DNAJC25: variants seen among roughly 807,000 people sequenced by gnomAD.
DNAJC25 encodes the protein DnaJ heat shock protein family (Hsp40) member C25.
Under a neutral mutation model 42.1 loss-of-function variants are expected in DNAJC25, and 26 were observed. That is an observed-to-expected ratio of 0.62 (90% CI 0.45 to 0.86). The LOEUF (loss-of-function observed/expected upper bound fraction) is 0.86. DNAJC25 is among the 40% of genes least tolerant of loss of function. The probability of loss-of-function intolerance (pLI) is 0.00; values close to 1 mark genes in which losing one functional copy is unlikely to be tolerated. For synonymous variants in DNAJC25, 189 were observed against 179.9 expected (o/e 1.05, Z -0.40); for missense variants, 404 against 459.4 (o/e 0.88, Z 1.10).
chr9:111,635,914 G>A (rs1442422765), intron 1 of DNAJC25, among the ~76,000 whole-genome samples: 2 of 152,178 alleles, frequency 1.3e-5, no homozygotes, highest in Non-Finnish European at 2.9e-5. Flanking sequence ...TCCCTGCCCT[G>A]TTACGTTTCT....
rs3832628 is a variant in DNAJC25, at chr9:111,653,518, AT to A, written c.*299del. On this transcript the variant is annotated 3_prime_UTR_variant, in exon 4 of 4. Transcript: ENST00000313525. ...TTTAGTTAAAAGATTTGACATGAAAATTTATTAGATACCATTTAAAAATTTT... is the reference window on the plus strand; with the variant it reads ...TTTAGTTAAAAGATTTGACATGAAAATTATTAGATACCATTTAAAAATTTT... 20,761 of 199,042 alleles carry A rather than the reference AT, an allele frequency of 0.1. 1,589 individuals carry two copies. The highest frequency in any genetic ancestry group is 0.21 in the African/African-American group (8,990 of 43,276). The allele number at this position is 199,042 out of a possible 1,614,324, so 12.3% of individuals were successfully genotyped here. A position where few individuals can be genotyped will look rare whatever the true frequency, so the allele number is the denominator to read the frequency against.
At chr9:111,640,198 G>A (rs1271800292) in intron 1 of DNAJC25, among the ~76,000 whole-genome samples, 14 of 151,372 alleles carry the variant, frequency 9.2e-5, no homozygotes, top group African/African-American at 3.4e-4. Context: ...GAGGTGCCGG[G>A]ATTGCAGATG....
intron 1 of DNAJC25, among the ~76,000 whole-genome samples, chr9:111,639,928 C>CTCTCCGTCTCCGTCTCCG (rs71373755): frequency 4.1e-4 from 49 of 120,042 alleles, no homozygotes; most frequent in Non-Finnish European, 1.2e-4. Flanking sequence ...CTCCCTCTCC[C>CTCTCCGTCTCCGTCTCCG]TCTCCGTCTC....
rs1830576387 is a variant in DNAJC25, at chr9:111,647,035, G to C, written c.337-72G>C. On this transcript the variant is annotated intron_variant, in intron 1 of 3. Transcript: ENST00000313525. Reference sequence around the variant, plus strand: ...TACATAATTATAAAATTCTATATGTGATTTAACAGATTATAAACTAAGGCC... The same window carrying C: ...TACATAATTATAAAATTCTATATGTCATTTAACAGATTATAAACTAAGGCC... 4.9e-6 allele frequency: 7 copies of C among 1,441,338 alleles called. No individual in the cohort carries two copies. In the South Asian group the frequency reaches 9.8e-5, roughly 20 times the overall value. 89.3% of individuals were successfully genotyped at this position (1,441,338 alleles called of 1,614,324 possible).
At chr9:111,639,652 T>G (rs1488274884) in intron 1 of DNAJC25, among the ~76,000 whole-genome samples, 1 of 150,920 alleles carries the variant, frequency 6.6e-6, no homozygotes, top group Admixed American at 6.6e-5. Context: ...GACTAGAGGT[T>G]GTTTTTTTTT....
At chr9:111,633,467 G>C (rs564692260) in intron 1 of DNAJC25, among the ~76,000 whole-genome samples, 2 of 152,294 alleles carry the variant, frequency 1.3e-5, no homozygotes, top group South Asian at 4.1e-4. Flanking sequence ...ATAGTATTTA[G>C]TGTGTTTGAC....
At chr9:111,643,926 AT>A (rs1405069489) in intron 1 of DNAJC25, among the ~76,000 whole-genome samples, 2 of 152,126 alleles carry the variant, frequency 1.3e-5, no homozygotes, top group Non-Finnish European at 2.9e-5. Context: ...AAAGAGCAGA[AT>A]TTTGACTTAG....
Position 111,635,867 on chromosome 9 carries a change from G to C in DNAJC25, c.336+4124G>C, listed in dbSNP as rs545144490. ...ACCAGTCTGATGTGGCAGGGCTTTA[G>C]CACTTAGGAAGAATTTAGCAAAAAA... On this transcript the variant is annotated intron_variant, in intron 1 of 3. Coordinates refer to ENST00000313525, the MANE Select transcript of DNAJC25 (RefSeq NM_001015882.3). 2.0e-3 allele frequency among the ~76,000 whole-genome samples: 306 copies of C among 151,900 alleles called. 2 individuals are homozygous for C. Among genetic ancestry groups the C allele is most frequent in the South Asian group, 4.4e-3 (21 of 4,818 alleles).
At chr9:111,641,358 G>A (rs1456620232) in intron 1 of DNAJC25, among the ~76,000 whole-genome samples, 3,050 of 99,374 alleles carry the variant, frequency 0.031, no homozygotes, top group African/African-American at 0.049. Context: ...GAGGTGGGGG[G>A]GTCAGCCCCC....
At chr9:111,633,748 C>T (rs937637713) in intron 1 of DNAJC25, among the ~76,000 whole-genome samples, 6 of 152,098 alleles carry the variant, frequency 3.9e-5, no homozygotes, top group African/African-American at 1.2e-4. Context: ...GGAGGGCCAC[C>T]AGGAGAGACT....
intron 1 of DNAJC25, 89 bp downstream of exon 1, chr9:111,631,832 C>T (rs1015129615): frequency 7.0e-7 from 1 of 1,424,850 alleles, no homozygotes; most frequent in East Asian, 3.0e-5. Context: ...GCGTGGGCCT[C>T]TGTGACCCCG....
chr9:111,649,391 C>T (rs1417064517), intron 2 of DNAJC25, 62 bp from the exon 3 acceptor site: 2 of 1,465,774 alleles, frequency 1.4e-6, no homozygotes, highest in Non-Finnish European at 1.8e-6. Flanking sequence ...CTCTATCATT[C>T]CTTTAATTTA....
chr9:111,640,117 G>A (rs925829731), intron 1 of DNAJC25, among the ~76,000 whole-genome samples: 19 of 144,456 alleles, frequency 1.3e-4, no homozygotes, highest in African/African-American at 3.9e-4. Context: ...TGGTGGAGAC[G>A]GGGTTTCGCT....
chr9:111,642,200 G>A (rs1434169879), intron 1 of DNAJC25, among the ~76,000 whole-genome samples: 3 of 143,238 alleles, frequency 2.1e-5, no homozygotes, highest in Admixed American at 1.4e-4. Flanking sequence ...TTGAGAGATC[G>A]GATGGTTGCC....
chr9:111,632,762 G>A (rs1171762121), intron 1 of DNAJC25, among the ~76,000 whole-genome samples: 2 of 151,712 alleles, frequency 1.3e-5, no homozygotes, highest in Admixed American at 6.6e-5. Context: ...TACTTTGAGT[G>A]GATATAATTT....
intron 1 of DNAJC25, among the ~76,000 whole-genome samples, chr9:111,633,233 A>G (rs865951917): frequency 6.6e-6 from 1 of 152,234 alleles, no homozygotes; most frequent in South Asian, 2.1e-4. Flanking sequence ...AATGGGATTT[A>G]CTAGGGATAG....
At chr9:111,649,117 AT>A (rs1036671802) in intron 2 of DNAJC25, among the ~76,000 whole-genome samples, 3 of 152,128 alleles carry the variant, frequency 2.0e-5, no homozygotes, top group East Asian at 1.9e-4. Flanking sequence ...AAGAAAAAAA[AT>A]TTTTTAAAGT....
Position 111,633,104 on chromosome 9 carries a change from T to C in DNAJC25, c.336+1361T>C, listed in dbSNP as rs184844764. Among the ~76,000 whole-genome samples, 5 of 152,018 alleles carry C rather than the reference T, an allele frequency of 3.3e-5. No homozygotes were observed. In the East Asian group the frequency reaches 9.7e-4, roughly 29 times the overall value. On this transcript the variant is annotated intron_variant, in intron 1 of 3. Coordinates refer to ENST00000313525, the MANE Select transcript of DNAJC25 (RefSeq NM_001015882.3). ...GATGGAAAAAAGACTCCAGAAAAAA[T>C]AGGAAAGAACTCTCCATCCAAGGCA...
chr9:111,645,394 A>G (rs975759121), intron 1 of DNAJC25, among the ~76,000 whole-genome samples: 2 of 151,930 alleles, frequency 1.3e-5, no homozygotes, highest in Non-Finnish European at 2.9e-5. Flanking sequence ...AGCTGGGATT[A>G]TAAGCACAAG....
Sources: allele counts gnomAD v4.1 joint callset (sites outside exome capture counted in the v4.1 genomes callset), GRCh38; gene constraint gnomAD v4.1.1; transcripts MANE v1.5; gene names NCBI Gene and HGNC (gene_info 2026-07-23, HGNC 2026-07-21).